Variants in CABIN1 observed in about 807,000 individuals in gnomAD.
CABIN1 encodes calcineurin binding protein 1, also known as calcineurin-binding protein cabin-1.
Under a neutral mutation model 227.7 loss-of-function variants are expected in CABIN1, and 133 were observed. That is an observed-to-expected ratio of 0.58 (90% confidence interval 0.51 to 0.67). CABIN1 has a LOEUF of 0.67. Ranked by LOEUF, CABIN1 falls within the 30% of genes least tolerant of loss-of-function variation. The pLI is 0.00. For synonymous variants in CABIN1, 1,086 were observed against 1,155.1 expected (o/e 0.94, Z 1.21); for missense variants, 2,408 against 2,852.5 (o/e 0.84, Z 3.55).
chr22:24,119,474 C>T lies in CABIN1; in HGVS notation c.4408C>T (p.Pro1470Ser). The change falls in exon 28 of 37, where the codon CCC (proline) becomes TCC (serine). Residue 1470 changes from proline (P) to serine (S), a missense_variant. Coordinates refer to ENST00000263119, the MANE Select transcript of CABIN1 (RefSeq NM_012295.4). Reference sequence around the variant, plus strand: ...AGCCTCTGCTTGCATCCCTGGCAAGCCCTCAGCATCCACACCCACCCTGTG... The same window carrying T: ...AGCCTCTGCTTGCATCCCTGGCAAGTCCTCAGCATCCACACCCACCCTGTG... The part of the protein sequence containing the change: ...TPASACIPGK[P>S]SASTPTLWDG... 2 of 1,614,120 alleles carry T rather than the reference C, an allele frequency of 1.2e-6. No homozygotes were observed. The highest frequency in any genetic ancestry group is 1.7e-6 in the Non-Finnish European group (2 of 1,180,044).
intron 29 of CABIN1, among the ~76,000 whole-genome samples, chr22:24,156,804 G>C (rs534350896): frequency 6.6e-6 from 1 of 152,296 alleles, no homozygotes; most frequent in South Asian, 2.1e-4. Context: ...AGCAGAGTTG[G>C]CGGCGGGGCT....
At chr22:24,070,443 A>G (rs1220368658) in intron 16 of CABIN1, among the ~76,000 whole-genome samples, 3 of 152,200 alleles carry the variant, frequency 2.0e-5, no homozygotes, top group Non-Finnish European at 4.4e-5. Context: ...CTGGCACTGG[A>G]TGGGCACAGT....
intron 20 of CABIN1, among the ~76,000 whole-genome samples, 195 bp from the exon 21 acceptor site, chr22:24,084,384 G>T (rs1215809983): frequency 1.3e-5 from 2 of 151,730 alleles, no homozygotes; most frequent in Non-Finnish European, 2.9e-5. Flanking sequence ...GATTACAGGC[G>T]CTTGCCACCG....
Position 24,063,096 on chromosome 22 carries a change from G to A in CABIN1, c.1834G>A (p.Glu612Lys). ...CGACCTGTTCGAGGATGGTTGGCTG[G>A]AGTTTGTGGTCCGTGTTTACTGGCT... The part of the protein sequence containing the change: ...QRDLFEDGWL[E>K]FVVRVYWLKA... Residue 612 changes from glutamate (E) to lysine (K), a missense_variant, in exon 14 of 37, where the codon GAG (glutamate) becomes AAG (lysine). This residue lies in a region of CABIN1 where 1,045 missense variants were observed against 1,168.4 expected (regional missense o/e 0.89). Coordinates refer to ENST00000263119, the MANE Select transcript of CABIN1 (RefSeq NM_012295.4). The A allele has an allele frequency of 1.2e-6, 2 of 1,614,166 alleles. No individual in the cohort carries two copies. The highest frequency in any genetic ancestry group is 1.7e-6 in the Non-Finnish European group (2 of 1,180,034).
intron 28 of CABIN1, among the ~76,000 whole-genome samples, chr22:24,126,596 G>T (rs2043738627): frequency 2.0e-5 from 3 of 152,130 alleles, no homozygotes; most frequent in Admixed American, 2.0e-4. Flanking sequence ...CTGGAAGCTG[G>T]TGTGACTAGA....
At chr22:24,139,756 T>C (rs915783836) in intron 29 of CABIN1, among the ~76,000 whole-genome samples, 1 of 152,186 alleles carries the variant, frequency 6.6e-6, no homozygotes, top group African/African-American at 2.4e-5. Flanking sequence ...TGTGCGTCTT[T>C]GTGCTGTTGC....
At chr22:24,098,265 T>A in intron 26 of CABIN1, 73 bp downstream of exon 26, 1 of 1,333,286 alleles carries the variant, frequency 7.5e-7, no homozygotes, top group Non-Finnish European at 1.0e-6. Context: ...GGACGACTCA[T>A]TTTGTCGCTT....
chr22:24,156,355 T>A (rs1374130551), intron 29 of CABIN1, among the ~76,000 whole-genome samples: 2 of 151,916 alleles, frequency 1.3e-5, no homozygotes, highest in Non-Finnish European at 2.9e-5. Flanking sequence ...GGCACCCGGT[T>A]CAGCGTCAGG....
intron 1 of CABIN1, among the ~76,000 whole-genome samples, chr22:24,014,658 T>A (rs2035103241): frequency 2.6e-5 from 4 of 152,212 alleles, no homozygotes; most frequent in African/African-American, 7.2e-5. Context: ...TCATTTTGAG[T>A]TCCCCCTGCA....
At chr22:24,059,424 C>T (rs2039034726) in intron 11 of CABIN1, 61 bp downstream of exon 11, 4 of 1,587,832 alleles carry the variant, frequency 2.5e-6, no homozygotes, top group African/African-American at 1.3e-5. Flanking sequence ...ATCCTATAAC[C>T]TGCTTATGTT....
intron 20 of CABIN1, among the ~76,000 whole-genome samples, chr22:24,083,945 T>C (rs2040976042): frequency 6.6e-6 from 1 of 152,258 alleles, no homozygotes; most frequent in African/African-American, 2.4e-5. Flanking sequence ...TGTCAGTTAT[T>C]CTCTGATCTT....
chr22:24,113,655 T>C lies in CABIN1; in HGVS notation c.4207T>C (p.Ser1403Pro). The stretch of plus-strand genomic sequence containing the variant: ...TGAGCCCACCAGCTTACTGGAAGGC[T>C]CCAGGAAATCCTACACAGAGAAGAG... ...FNEPTSLLEG[S>P]RKSYTEKRLP... The change falls in exon 27 of 37, where the codon TCC becomes CCC. Residue 1403 changes from serine (S) to proline (P), a missense_variant. Physicochemically the swap from Ser to Pro is moderately conservative, Grantham distance 74 (BLOSUM62 -1). Coordinates refer to ENST00000263119, the MANE Select transcript of CABIN1 (RefSeq NM_012295.4). 1 of 1,614,060 alleles carries C rather than the reference T, an allele frequency of 6.2e-7. No individual in the cohort carries two copies. The highest frequency in any genetic ancestry group is 8.5e-7 in the Non-Finnish European group (1 of 1,180,036).
At chr22:24,082,291 T>C (rs1202362550) in intron 19 of CABIN1, among the ~76,000 whole-genome samples, 1 of 152,066 alleles carries the variant, frequency 6.6e-6, no homozygotes, top group East Asian at 1.9e-4. Context: ...AGTCTCACTT[T>C]GTTGCCCAGG....
At chr22:24,169,715 C>T (rs1013694543) in intron 33 of CABIN1, among the ~76,000 whole-genome samples, 5 of 152,228 alleles carry the variant, frequency 3.3e-5, no homozygotes, top group Admixed American at 1.3e-4. Flanking sequence ...CCAGGTGGAG[C>T]AGGTGGACAT....
At chr22:24,170,875 G>A (rs1251649750) in intron 33 of CABIN1, among the ~76,000 whole-genome samples, 1 of 151,544 alleles carries the variant, frequency 6.6e-6, no homozygotes, top group Middle Eastern at 3.4e-3. Flanking sequence ...AGTACAGTCA[G>A]CCTGGTGCTG....
chr22:24,127,348 C>T (rs911982482), intron 28 of CABIN1, among the ~76,000 whole-genome samples: 1 of 152,188 alleles, frequency 6.6e-6, no homozygotes, highest in Non-Finnish European at 1.5e-5. Flanking sequence ...GGAGTGAGTG[C>T]TCTGATCAAA....
chr22:24,145,476 C>A (rs1028997293), intron 29 of CABIN1, among the ~76,000 whole-genome samples: 7 of 152,176 alleles, frequency 4.6e-5, no homozygotes, highest in Non-Finnish European at 8.8e-5. Context: ...GCACCTGAGC[C>A]AGGATTTAGG....
chr22:24,014,513 A>G (rs192179865), intron 1 of CABIN1, among the ~76,000 whole-genome samples: 1 of 151,746 alleles, frequency 6.6e-6, no homozygotes, highest in East Asian at 1.9e-4. Context: ...CTCTGGAATC[A>G]GTTCTTTTTG....
In CABIN1 at chr22:24,014,345, G is replaced by A. The variant is rs184020491; in HGVS notation, c.-75+2978G>A. On this transcript the variant is annotated intron_variant, in intron 1 of 36. Coordinates refer to ENST00000263119, the MANE Select transcript of CABIN1 (RefSeq NM_012295.4). ...AATTCATTATCATCATTATTTTGTT[G>A]CTTACTGTTCCAGCATTGGCTATTT... Among the ~76,000 whole-genome samples, 509 of 151,740 alleles carry A rather than the reference G, an allele frequency of 3.4e-3. 1 individual carries two copies. Among genetic ancestry groups the A allele is most frequent in the Non-Finnish European group, 5.6e-3 (379 of 67,930 alleles).
Sources: gnomAD v4.1 joint callset for allele counts (sites outside exome capture counted in the v4.1 genomes callset) on GRCh38, gnomAD v4.1.1 for gene constraint, gnomAD v4.1.1 regional missense constraint, MANE v1.5 for transcripts, NCBI Gene and HGNC (gene_info 2026-07-23, HGNC 2026-07-21) for gene names.